SAMD3: variants seen among roughly 807,000 people sequenced by gnomAD.
SAMD3 encodes the protein sterile alpha motif domain containing 3, also known as sterile alpha motif domain-containing protein 3.
A neutral mutation model predicts 58.5 loss-of-function variants in SAMD3; 63 were observed. That is an observed-to-expected ratio of 1.08 (90% CI 0.88 to 1.33). SAMD3 has a LOEUF of 1.33. Among genes scored for constraint, SAMD3 ranks in the 40% most tolerant of loss-of-function variants. The probability of loss-of-function intolerance (pLI) is 0.00; values close to 1 mark genes in which losing one functional copy is unlikely to be tolerated. For missense variants in SAMD3, 604 were observed against 608.4 expected (o/e 0.99, Z 0.08); for synonymous variants, 220 against 210.3 (o/e 1.05, Z -0.40).
At chr6:130,325,296 G>T (rs757787190) in intron 1 of SAMD3, among the ~76,000 whole-genome samples, 1 of 152,162 alleles carries the variant, frequency 6.6e-6, no homozygotes, top group Non-Finnish European at 1.5e-5. Flanking sequence ...AGGAAGCTGT[G>T]TGAGGACAAA....
rs114428951 is a variant in SAMD3 at position 130,206,778 on chromosome 6, C to A, written c.383+2717G>T. On this transcript the variant is annotated intron_variant, in intron 5 of 11. Coordinates refer to ENST00000439090, the MANE Select transcript of SAMD3 (RefSeq NM_001017373.4). The stretch of plus-strand genomic sequence containing the variant: ...TATTTCTCTCAATTTCTTAGCCAGT[C>A]CTATTTTTCTCCTCCCCCTTGCCAG... Among the ~76,000 whole-genome samples, 7 of 152,190 alleles carry A rather than the reference C, an allele frequency of 4.6e-5. No homozygotes were observed. The South Asian group carries it at 8.3e-4, about 18-fold the overall frequency.
chr6:130,357,074 T>C (rs1777851887), intron 1 of SAMD3, among the ~76,000 whole-genome samples: 1 of 151,774 alleles, frequency 6.6e-6, no homozygotes, highest in African/African-American at 2.4e-5. Context: ...TTGTATTTTA[T>C]CTTTAAAAAT....
At chr6:130,158,706 C>G (rs1348061055) in intron 8 of SAMD3, among the ~76,000 whole-genome samples, 1 of 152,074 alleles carries the variant, frequency 6.6e-6, no homozygotes, top group African/African-American at 2.4e-5. Context: ...AAAGAAGCAA[C>G]AAAAATCAGA....
chr6:130,147,024 T>G (rs1932109), intron 9 of SAMD3, among the ~76,000 whole-genome samples: 140,547 of 152,204 alleles, frequency 0.92, 65,040 homozygotes, highest in East Asian at 1. Flanking sequence ...TGACTACAAG[T>G]TCAAAGCAAA....
rs200725382 is a variant in SAMD3, at chr6:130,262,306, T to TA, written c.-187-39494dup. Among the ~76,000 whole-genome samples, 228 of 142,694 alleles carry TA rather than the reference T, an allele frequency of 1.6e-3. 1 individual carries two copies. The highest frequency in any genetic ancestry group is 7.4e-3 in the Middle Eastern group (2 of 270). The allele number at this position is 142,694 out of a possible 152,430, so 93.6% of individuals were successfully genotyped here. A position where few individuals can be genotyped will look rare whatever the true frequency, so the allele number is the denominator to read the frequency against. The stretch of plus-strand genomic sequence containing the variant: ...AACTGCTTTGCTAACAGAAAAAAAG[T>TA]AAGAAAAAAAAAAACTTTTAGAGGA... On this transcript the variant is annotated intron_variant, in intron 2 of 13. Coordinates refer to the SAMD3 transcript ENST00000368134.
In SAMD3 at chr6:130,187,937, T is replaced by G. The variant is rs1214443350; in HGVS notation, c.384-3314A>C. 2.0e-5 allele frequency among the ~76,000 whole-genome samples: 3 copies of G among 152,236 alleles called. No homozygotes were observed. In the East Asian group the frequency reaches 5.8e-4, roughly 29 times the overall value. The stretch of plus-strand genomic sequence containing the variant: ...TTTAAAACATGTTAATGCCTACAGT[T>G]GGCCCCCGGCTAACTGAATCAGAGT... On this transcript the variant is annotated intron_variant, in intron 5 of 11. Transcript: ENST00000439090.
chr6:130,156,649 G>A (rs1562375898), intron 8 of SAMD3, among the ~76,000 whole-genome samples: 1 of 152,126 alleles, frequency 6.6e-6, no homozygotes, highest in African/African-American at 2.4e-5. Context: ...GGGCAGAAAA[G>A]AGGTAGGTTT....
intron 1 of SAMD3, among the ~76,000 whole-genome samples, chr6:130,322,039 T>C (rs974236632): frequency 6.6e-6 from 1 of 152,180 alleles, no homozygotes; most frequent in African/African-American, 2.4e-5. Flanking sequence ...ACTACCTCTC[T>C]GGTCAAGAGG....
intron 2 of SAMD3, among the ~76,000 whole-genome samples, chr6:130,290,210 G>A (rs10457547): frequency 0.28 from 42,179 of 151,836 alleles, 6,284 homozygotes; most frequent in East Asian, 0.45. Flanking sequence ...GAATTGGTTC[G>A]TGTGATTATG....
chr6:130,298,804 A>T (rs772388282), intron 2 of SAMD3, among the ~76,000 whole-genome samples: 1 of 150,420 alleles, frequency 6.6e-6, no homozygotes, highest in Non-Finnish European at 1.5e-5. Context: ...ACACAAATGG[A>T]AAACAAAAAA....
intron 1 of SAMD3, among the ~76,000 whole-genome samples, chr6:130,323,352 C>T (rs1312219922): frequency 6.6e-6 from 1 of 152,136 alleles, no homozygotes; most frequent in Non-Finnish European, 1.5e-5. Flanking sequence ...TGACAAGTCA[C>T]ATCATTCAAG....
chr6:130,216,550 G>C (rs912724414), intron 2 of SAMD3, 21 bp downstream of exon 2: 1 of 152,120 alleles, frequency 6.6e-6, no homozygotes, highest in Non-Finnish European at 1.5e-5. Context: ...TAGAATAGTG[G>C]AAAAGGGGAA....
chr6:130,284,553 G>A (rs1775093756), intron 2 of SAMD3, among the ~76,000 whole-genome samples: 1 of 152,122 alleles, frequency 6.6e-6, no homozygotes, highest in Admixed American at 6.6e-5. Flanking sequence ...AATGTCATAT[G>A]AGCAAAATTC....
At chr6:130,337,173 G>T (rs901218537) in intron 1 of SAMD3, among the ~76,000 whole-genome samples, 12 of 152,252 alleles carry the variant, frequency 7.9e-5, no homozygotes, top group Admixed American at 2.6e-4. Context: ...GGAGGTGACT[G>T]GATCATGGGG....
intron 6 of SAMD3, 79 bp downstream of exon 6, chr6:130,184,359 A>G: frequency 7.2e-7 from 1 of 1,386,618 alleles, no homozygotes; most frequent in East Asian, 2.3e-5. Context: ...ATCTGAAGAG[A>G]GTTGATTCCA....
At chr6:130,351,644 T>A (rs1219938558) in intron 1 of SAMD3, among the ~76,000 whole-genome samples, 2 of 148,436 alleles carry the variant, frequency 1.3e-5, no homozygotes, top group Non-Finnish European at 3.0e-5. Flanking sequence ...GTGAACTAGT[T>A]CACCCATTGT....
intron 1 of SAMD3, among the ~76,000 whole-genome samples, chr6:130,350,308 T>C (rs908337658): frequency 6.6e-6 from 1 of 152,178 alleles, no homozygotes; most frequent in African/African-American, 2.4e-5. Context: ...GACATGATTG[T>C]ATATCTAGAA....
rs138114363 is a variant in SAMD3 at position 130,175,465 on chromosome 6, T to A, written c.822+376A>T. Among the ~76,000 whole-genome samples, 870 of 152,200 alleles carry A rather than the reference T, an allele frequency of 5.7e-3. 12 individuals are homozygous for A. The highest frequency in any genetic ancestry group is 0.02 in the African/African-American group (844 of 41,508). The stretch of plus-strand genomic sequence containing the variant: ...TCCCTGAAACCTGGAGACCAGAGGC[T>A]ACCTAACTCAGACAATGTGAGTATT... On this transcript the variant is annotated intron_variant, in intron 8 of 11. Transcript: ENST00000439090.
At chr6:130,229,465 A>G (rs1796479069) in intron 2 of SAMD3, among the ~76,000 whole-genome samples, 1 of 152,152 alleles carries the variant, frequency 6.6e-6, no homozygotes. Context: ...CTTAGTATTC[A>G]TGGGAATATA....
Sources: allele counts gnomAD v4.1 joint callset (sites outside exome capture counted in the v4.1 genomes callset), GRCh38; gene constraint gnomAD v4.1.1; transcripts MANE v1.5; gene names NCBI Gene and HGNC (gene_info 2026-07-23, HGNC 2026-07-21).